RPAP2: variants seen among roughly 807,000 people sequenced by gnomAD.
RPAP2 encodes putative RNA polymerase II subunit B1 CTD phosphatase RPAP2.
Under a neutral mutation model 73.1 loss-of-function variants are expected in RPAP2, and 52 were observed. The observed-to-expected ratio is 0.71, with a 90% confidence interval of 0.57 to 0.90. The LOEUF (loss-of-function observed/expected upper bound fraction) is 0.90, where lower values mean the gene tolerates loss of function less well. Among genes scored for constraint, RPAP2 ranks in the 40% least tolerant of loss-of-function variants. The pLI, the probability that RPAP2 is intolerant of heterozygous loss-of-function variation, is 0.00. For missense variants in RPAP2, 598 were observed against 701.8 expected, an observed-to-expected ratio of 0.85 and a Z score of 1.67; for synonymous variants, 225 against 242.1, an observed-to-expected ratio of 0.93 and a Z score of 0.65.
intron 8 of RPAP2, among the ~76,000 whole-genome samples, chr1:92,329,467 A>G (rs1486928553): frequency 6.6e-6 from 1 of 152,194 alleles, no homozygotes; most frequent in Non-Finnish European, 1.5e-5. Context: ...AACAGCACCA[A>G]GTTTATTTCC....
Position 92,301,467 on chromosome 1 carries a change from A to C in RPAP2, c.120-9A>C. 3 of 1,500,184 alleles carry C rather than the reference A, an allele frequency of 2.0e-6. No homozygotes were observed. Among genetic ancestry groups the C allele is most frequent in the South Asian group, 2.4e-5 (2 of 83,472 alleles). The allele number at this position is 1,500,184 out of a possible 1,614,324, so 92.9% of individuals were successfully genotyped here. On this transcript the variant is annotated splice_polypyrimidine_tract_variant and intron_variant, in intron 2 of 12. Transcript: ENST00000610020. ...TTTAAGTAGATTAAGTTTCTCTTTC[A>C]AATTTTAGGAAAGCTGAACTAGAAG... is the stretch of plus-strand genomic sequence containing the variant.
Position 92,363,832 on chromosome 1 carries a change from T to C in RPAP2, c.1689-16892T>C, listed in dbSNP as rs1332274925. 3 of 257,932 alleles carry C rather than the reference T, an allele frequency of 1.2e-5. No homozygotes were observed. The East Asian group carries it at 3.1e-4, about 26-fold the overall frequency. The allele number at this position is 257,932 out of a possible 1,614,324, so 16.0% of individuals were successfully genotyped here. On this transcript the variant is annotated intron_variant, in intron 11 of 12. Coordinates refer to ENST00000610020, the MANE Select transcript of RPAP2 (RefSeq NM_024813.3). ...ATTTTTTTTCCTCTAGCTTACTTTA[T>C]TATAAGGATCTAATACATATCCTTA...
chr1:92,362,684 T>C (rs1289232557), intron 11 of RPAP2, among the ~76,000 whole-genome samples: 3 of 152,194 alleles, frequency 2.0e-5, no homozygotes. Flanking sequence ...GACATTACAG[T>C]AATTGAATCT....
chr1:92,301,483 G>T lies in RPAP2; in HGVS notation c.127G>T (p.Glu43Ter). The change falls in exon 3 of 13, where the codon GAA (glutamate) becomes TAA (stop). Residue 43 changes from glutamate (E) to a stop codon, truncating the protein, a stop_gained. Transcript: ENST00000610020. LOFTEE classifies it high-confidence loss of function. ...KQEDASKRKA[E>*]LEAAVRKKIE... Reference sequence around the variant, plus strand: ...TTCTCTTTCAAATTTTAGGAAAGCTGAACTAGAAGCAGCTGTGAGAAAGAA... The same window carrying T: ...TTCTCTTTCAAATTTTAGGAAAGCTTAACTAGAAGCAGCTGTGAGAAAGAA... 6.4e-7 allele frequency: 1 copy of T among 1,573,144 alleles called. No individual in the cohort carries two copies. Among genetic ancestry groups the T allele is most frequent in the Non-Finnish European group, 8.6e-7 (1 of 1,158,196 alleles).
chr1:92,305,432 CAAAAAA>C (rs71091273), intron 5 of RPAP2, among the ~76,000 whole-genome samples: 2 of 52,688 alleles, frequency 3.8e-5, no homozygotes, highest in East Asian at 1.4e-3. Flanking sequence ...GGCTCCGTCT[CAAAAAA>C]AAAAAAAAAA....
chr1:92,310,801 TAAG>T (rs1388345361), intron 6 of RPAP2, among the ~76,000 whole-genome samples: 1 of 151,746 alleles, frequency 6.6e-6, no homozygotes, highest in Non-Finnish European at 1.5e-5. Context: ...GGAGGCTGAG[TAAG>T]AAGAACCGCT....
chr1:92,382,288 A>G (rs1655676142), intron 12 of RPAP2, among the ~76,000 whole-genome samples: 1 of 152,190 alleles, frequency 6.6e-6, no homozygotes, highest in African/African-American at 2.4e-5. Context: ...TATACCCAGT[A>G]ATGGGATAGC....
chr1:92,304,361 G>A lies in RPAP2; in HGVS notation c.399+12G>A. 6.9e-7 allele frequency: 1 copy of A among 1,451,838 alleles called. No individual in the cohort carries two copies. Among genetic ancestry groups the A allele is most frequent in the Non-Finnish European group, 9.4e-7 (1 of 1,062,614 alleles). 89.9% of individuals were successfully genotyped at this position (1,451,838 alleles called of 1,614,324 possible). On this transcript the variant is annotated intron_variant, in intron 5 of 12. Transcript: ENST00000610020. ...TTACTGAAAGAAAGGTGAGTTTAAAGGCTTTCATTGTGGCAATTAATTTTT... is the reference window on the plus strand; with the variant it reads ...TTACTGAAAGAAAGGTGAGTTTAAAAGCTTTCATTGTGGCAATTAATTTTT...
chr1:92,355,301 G>T (rs1019067229), intron 11 of RPAP2, among the ~76,000 whole-genome samples: 2 of 151,960 alleles, frequency 1.3e-5, no homozygotes, highest in Non-Finnish European at 2.9e-5. Context: ...GTGTAGCCTT[G>T]TACAAGTTAC....
rs1286219029 is a variant in RPAP2, at chr1:92,397,531, A to G, written c.*10520A>G. 1 of 152,160 alleles carries G rather than the reference A, an allele frequency of 6.6e-6. No individual in the cohort carries two copies. Among genetic ancestry groups the G allele is most frequent in the Admixed American group, 6.6e-5 (1 of 15,266 alleles). 9.4% of individuals were successfully genotyped at this position (152,160 alleles called of 1,614,324 possible). ...GAGGAGCCAGTAGCTCAGTATAGAA[A>G]CTAAGGATCCAAGTGGACAACTGCC... On this transcript the variant is annotated 3_prime_UTR_variant, in exon 13 of 13. Coordinates refer to ENST00000610020, the MANE Select transcript of RPAP2 (RefSeq NM_024813.3).
chr1:92,314,251 G>A (rs1651769756), intron 6 of RPAP2, among the ~76,000 whole-genome samples: 1 of 151,960 alleles, frequency 6.6e-6, no homozygotes, highest in African/African-American at 2.4e-5. Flanking sequence ...TTGATTTAAA[G>A]TGAAAGAAAG....
Position 92,303,981 on chromosome 1 carries a change from G to A in RPAP2, c.239G>A (p.Arg80Lys), listed in dbSNP as rs1217530565. 1 of 1,601,000 alleles carries A rather than the reference G, an allele frequency of 6.2e-7. No individual in the cohort carries two copies. Among genetic ancestry groups the A allele is most frequent in the South Asian group, 1.1e-5 (1 of 88,174 alleles). Residue 80 changes from arginine (R) to lysine (K), a missense_variant, in exon 4 of 13, where the codon AGG becomes AAG. By Grantham distance (26) the Arg-to-Lys change is conservative (BLOSUM62 2). Coordinates refer to ENST00000610020, the MANE Select transcript of RPAP2 (RefSeq NM_024813.3). ...ITEEFLMECG[R>K]FITPAHYSDV... Reference sequence around the variant, plus strand: ...AACCCTCTCATTTCATTTTAGGGGAGGTTCATTACACCTGCTCACTACAGT... The same window carrying A: ...AACCCTCTCATTTCATTTTAGGGGAAGTTCATTACACCTGCTCACTACAGT...
At position 92,393,083 on chromosome 1, in the gene RPAP2, C is replaced by T. The variant is rs1656096041; in HGVS notation, c.*6072C>T. On this transcript the variant is annotated 3_prime_UTR_variant, in exon 13 of 13. Coordinates refer to ENST00000610020, the MANE Select transcript of RPAP2 (RefSeq NM_024813.3). ...TCACACTACCTGACTTCAAACTTTA[C>T]TACAAGCCTACAGTAACCAAAACAG... 6.6e-6 allele frequency: 1 copy of T among 152,178 alleles called. No individual in the cohort carries two copies. Among genetic ancestry groups the T allele is most frequent in the Non-Finnish European group, 1.5e-5 (1 of 68,036 alleles). 9.4% of individuals were successfully genotyped at this position (152,178 alleles called of 1,614,324 possible). A position where few individuals can be genotyped will look rare whatever the true frequency, so the allele number is the denominator to read the frequency against.
chr1:92,303,327 CAAT>C (rs371032464), intron 3 of RPAP2, among the ~76,000 whole-genome samples: 6 of 152,120 alleles, frequency 3.9e-5, no homozygotes, highest in African/African-American at 1.2e-4. Flanking sequence ...ACATCACTCT[CAAT>C]AAAAAGTATT....
chr1:92,360,116 C>T (rs1406362435), intron 11 of RPAP2, among the ~76,000 whole-genome samples: 1 of 152,216 alleles, frequency 6.6e-6, no homozygotes, highest in Admixed American at 6.5e-5. Flanking sequence ...AAAATATGTA[C>T]TTTGCACTGC....
intron 8 of RPAP2, among the ~76,000 whole-genome samples, chr1:92,328,353 A>T (rs1373240858): frequency 6.6e-6 from 1 of 152,146 alleles, no homozygotes; most frequent in Non-Finnish European, 1.5e-5. Flanking sequence ...TTCATTTTTT[A>T]AATTCTTTTT....
At chr1:92,302,436 A>T (rs1242110248) in intron 3 of RPAP2, among the ~76,000 whole-genome samples, 2 of 151,846 alleles carry the variant, frequency 1.3e-5, no homozygotes, top group East Asian at 3.9e-4. Flanking sequence ...AATGATTGCA[A>T]TTCCAGTTTT....
At position 92,388,912 on chromosome 1, in the gene RPAP2, C is replaced by T. The variant is rs1655954078; in HGVS notation, c.*1901C>T. The T allele has an allele frequency of 6.6e-6, 1 of 151,586 alleles. No individual in the cohort carries two copies. Among genetic ancestry groups the T allele is most frequent in the African/African-American group, 2.4e-5 (1 of 41,426 alleles). The allele number at this position is 151,586 out of a possible 1,614,324, so 9.4% of individuals were successfully genotyped here. A position where few individuals can be genotyped will look rare whatever the true frequency, so the allele number is the denominator to read the frequency against. On this transcript the variant is annotated 3_prime_UTR_variant, in exon 13 of 13. Coordinates refer to ENST00000610020, the MANE Select transcript of RPAP2 (RefSeq NM_024813.3). ...AGCTCAAACTGGGCAGAGCCCACCA[C>T]AGCTCAGCAAGGCCTACTGTCTCTG...
chr1:92,371,317 AAAATAT>A (rs1462312537), intron 11 of RPAP2, among the ~76,000 whole-genome samples: 16 of 55,782 alleles, frequency 2.9e-4, no homozygotes, highest in African/African-American at 1.4e-3. Flanking sequence ...AAAAAAAAAA[AAAATAT>A]ATATATATAT....
Sources: allele counts gnomAD v4.1 joint callset (sites outside exome capture counted in the v4.1 genomes callset), GRCh38; gene constraint gnomAD v4.1.1; transcripts MANE v1.5; gene names NCBI Gene and HGNC (gene_info 2026-07-23, HGNC 2026-07-21).